COX6C: variants seen among roughly 807,000 people sequenced by gnomAD.
The protein encoded by COX6C is cytochrome c oxidase subunit 6C.
Under a neutral mutation model 6.9 loss-of-function variants are expected in COX6C, and 3 were observed. The ratio of observed to expected loss-of-function variants is 0.43; its 90% CI spans 0.20 to 1.12. The LOEUF (loss-of-function observed/expected upper bound fraction) is 1.12, where lower values mean the gene tolerates loss of function less well. Ranked by LOEUF, COX6C falls within the 50% of genes most tolerant of loss-of-function variation. The pLI, the probability that COX6C is intolerant of heterozygous loss-of-function variation, is 0.27. For missense variants in COX6C, 101 were observed against 97.3 expected, an observed-to-expected ratio of 1.04 and a Z score of -0.16; for synonymous variants, 32 against 32.0, an observed-to-expected ratio of 1.00 and a Z score of 0.00.
chr8:99,879,107 T>C lies in COX6C; in HGVS notation c.*16-842A>G, dbSNP rs147319343. On this transcript the variant is annotated intron_variant, in intron 3 of 3. Transcript: ENST00000520468. ...ACTGAAGTGGCAAAAAGAAACTACA[T>C]TGTTCTTTTTTGTTAAATATACACA... Among the ~76,000 whole-genome samples the C allele has an allele frequency of 3.9e-3, 587 of 152,326 alleles. 1 individual carries two copies. The highest frequency in any genetic ancestry group is 0.013 in the African/African-American group (541 of 41,566).
intron 3 of COX6C, chr8:99,886,347 A>G (rs1423637553): frequency 6.6e-6 from 1 of 152,248 alleles, no homozygotes; most frequent in East Asian, 1.9e-4. Flanking sequence ...CCATGATCGC[A>G]CTACAGCACT....
intron 3 of COX6C, among the ~76,000 whole-genome samples, chr8:99,883,200 G>C (rs896442686): frequency 1.3e-5 from 2 of 151,990 alleles, no homozygotes; most frequent in Admixed American, 6.6e-5. Flanking sequence ...AAGAGTCCAA[G>C]ACCATATGGT....
intron 3 of COX6C, among the ~76,000 whole-genome samples, chr8:99,884,557 A>G (rs567856969): frequency 3.7e-4 from 56 of 152,316 alleles, no homozygotes; most frequent in Non-Finnish European, 5.3e-4. Flanking sequence ...AGGAAGTAAG[A>G]AGGAAACTGA....
chr8:99,889,550 T>A (rs1372740802), intron 2 of COX6C, among the ~76,000 whole-genome samples: 3 of 151,838 alleles, frequency 2.0e-5, no homozygotes, highest in Non-Finnish European at 4.4e-5. Flanking sequence ...CACGCCCGGC[T>A]AATTTTTTTG....
At chr8:99,887,381 G>T in intron 3 of COX6C, 109 bp downstream of exon 3, 1 of 562,098 alleles carries the variant, frequency 1.8e-6, no homozygotes, top group Non-Finnish European at 3.0e-6. Context: ...CCACACCATC[G>T]TAAAGTCAAA....
chr8:99,886,367 G>A (rs530430777), intron 3 of COX6C: 1 of 152,316 alleles, frequency 6.6e-6, no homozygotes, highest in Admixed American at 6.5e-5. Flanking sequence ...TACGGCCTGG[G>A]TGACAGAGGG....
At chr8:99,893,001 G>C (rs1347336477) in intron 1 of COX6C, 1 of 152,198 alleles carries the variant, frequency 6.6e-6, no homozygotes, top group African/African-American at 2.4e-5. Context: ...CTGCTCCTTT[G>C]CCCAGCCTCA....
chr8:99,887,709 G>GT (rs1038095431), intron 2 of COX6C, 91 bp from the exon 3 acceptor site: 2 of 801,462 alleles, frequency 2.5e-6, no homozygotes, highest in African/African-American at 3.7e-5. Flanking sequence ...TAGAACACAT[G>GT]TTTTTGTTCA....
At chr8:99,883,776 A>C (rs1204408211) in intron 3 of COX6C, among the ~76,000 whole-genome samples, 1 of 152,222 alleles carries the variant, frequency 6.6e-6, no homozygotes, top group East Asian at 1.9e-4. Flanking sequence ...ACAAAACACT[A>C]GCAAACCAGA....
At chr8:99,892,321 A>T (rs1297647064) in intron 1 of COX6C, among the ~76,000 whole-genome samples, 4 of 152,158 alleles carry the variant, frequency 2.6e-5, no homozygotes, top group African/African-American at 9.7e-5. Context: ...AAAAAATGAG[A>T]GGCAATTCCT....
chr8:99,893,469 T>G (rs953072461), intron 1 of COX6C, 170 bp downstream of exon 1: 19 of 152,042 alleles, frequency 1.2e-4, no homozygotes, highest in Middle Eastern at 3.2e-3. Context: ...CCCGCCGCCC[T>G]CCCTCAGGCC....
chr8:99,893,234 G>C (rs1348963035), intron 1 of COX6C: 2 of 152,300 alleles, frequency 1.3e-5, no homozygotes, highest in Admixed American at 6.5e-5. Context: ...ACTAACCCTT[G>C]CGCCTCACGA....
intron 1 of COX6C, among the ~76,000 whole-genome samples, chr8:99,892,509 G>A (rs1023190244): frequency 6.6e-6 from 1 of 152,138 alleles, no homozygotes; most frequent in Non-Finnish European, 1.5e-5. Context: ...TCACTACTCT[G>A]AGCTTTTTTT....
chr8:99,881,019 T>C (rs891139605), intron 3 of COX6C, among the ~76,000 whole-genome samples: 12 of 152,116 alleles, frequency 7.9e-5, no homozygotes, highest in Non-Finnish European at 1.5e-5. Flanking sequence ...CTCAAAGCCA[T>C]GTGAAAATAT....
At chr8:99,886,075 T>C (rs1817938930) in intron 3 of COX6C, 1 of 152,132 alleles carries the variant, frequency 6.6e-6, no homozygotes, top group Non-Finnish European at 1.5e-5. Context: ...TCATACCTAT[T>C]AGGATGGCTA....
At chr8:99,879,351 C>CT (rs1817819177) in intron 3 of COX6C, among the ~76,000 whole-genome samples, 1 of 152,034 alleles carries the variant, frequency 6.6e-6, no homozygotes, top group South Asian at 2.1e-4. Context: ...ACAAACTATA[C>CT]TGTCCCAAAT....
chr8:99,883,983 C>T (rs1287790672), intron 3 of COX6C, among the ~76,000 whole-genome samples: 1 of 152,120 alleles, frequency 6.6e-6, no homozygotes, highest in Admixed American at 6.5e-5. Context: ...AAACTATCAA[C>T]AGAAGGAATG....
chr8:99,887,768 A>AT, intron 2 of COX6C, 150 bp from the exon 3 acceptor site: 1 of 497,496 alleles, frequency 2.0e-6, no homozygotes, highest in Non-Finnish European at 3.4e-6. Flanking sequence ...GTGGTGACAG[A>AT]TAAAAAGGAA....
chr8:99,882,758 C>A (rs1184161970), intron 3 of COX6C, among the ~76,000 whole-genome samples: 1 of 148,918 alleles, frequency 6.7e-6, no homozygotes, highest in Non-Finnish European at 1.5e-5. Context: ...TGTAAACAAA[C>A]TGGATGACCT....
Sources: gnomAD v4.1 joint callset for allele counts (sites outside exome capture counted in the v4.1 genomes callset) on GRCh38, gnomAD v4.1.1 for gene constraint, MANE v1.5 for transcripts, NCBI Gene and HGNC (gene_info 2026-07-23, HGNC 2026-07-21) for gene names.